GRID1: variants seen among roughly 807,000 people sequenced by gnomAD.
GRID1 encodes glutamate ionotropic receptor delta type subunit 1.
GRID1 carries 28 observed loss-of-function variants against 98.0 expected under a neutral mutation model. The observed-to-expected ratio is 0.29, with a 90% CI of 0.21 to 0.39. The LOEUF is 0.39. Ranked by LOEUF, GRID1 falls within the 10% of genes least tolerant of loss-of-function variation. The pLI, the probability that GRID1 is intolerant of heterozygous loss-of-function variation, is 1.00. For missense variants in GRID1, 1,111 were observed against 1,340.5 expected (o/e 0.83, Z 2.67); for synonymous variants, 553 against 538.5 (o/e 1.03, Z -0.37).
At chr10:86,190,901 C>T (rs142684911) in intron 3 of GRID1, among the ~76,000 whole-genome samples, 3 of 139,000 alleles carry the variant, frequency 2.2e-5, no homozygotes, top group Non-Finnish European at 3.3e-5. Flanking sequence ...TGAGTGTGTA[C>T]GTGCATGCAT....
intron 8 of GRID1, among the ~76,000 whole-genome samples, chr10:85,794,284 C>A (rs942987859): frequency 2.6e-5 from 4 of 152,208 alleles, no homozygotes; most frequent in African/African-American, 9.7e-5. Flanking sequence ...GTAACCTAAT[C>A]ATTTATATGA....
intron 8 of GRID1, among the ~76,000 whole-genome samples, chr10:85,756,746 C>G (rs570724287): frequency 6.6e-6 from 1 of 152,112 alleles, no homozygotes; most frequent in African/African-American, 2.4e-5. Context: ...AAACTGAAAC[C>G]GCAAATAAGG....
intron 14 of GRID1, among the ~76,000 whole-genome samples, chr10:85,615,395 G>A (rs548283878): frequency 6.6e-6 from 1 of 152,366 alleles, no homozygotes; most frequent in African/African-American, 2.4e-5. Context: ...GACAGGAGCT[G>A]TGGGTTACTC....
intron 3 of GRID1, among the ~76,000 whole-genome samples, chr10:86,170,579 C>T (rs1845469912): frequency 1.3e-5 from 2 of 152,242 alleles, no homozygotes; most frequent in Admixed American, 6.5e-5. Context: ...CCCCAAGGGA[C>T]CAGTGAACCA....
intron 4 of GRID1, among the ~76,000 whole-genome samples, chr10:86,030,504 C>T (rs1372734321): frequency 3.9e-5 from 6 of 152,224 alleles, no homozygotes; most frequent in African/African-American, 1.4e-4. Context: ...CAATCAAACT[C>T]CAAATGGTGC....
chr10:85,873,167 T>C lies in GRID1; in HGVS notation c.781-3987A>G, dbSNP rs12256871. On this transcript the variant is annotated intron_variant, in intron 5 of 15. Coordinates refer to ENST00000327946, the MANE Select transcript of GRID1 (RefSeq NM_017551.3). The stretch of plus-strand genomic sequence containing the variant: ...CAGGCTGCACACACCAGGCTGCATT[T>C]CCTGGCTGCACACATCAGGTCAGTC... 3.8e-3 allele frequency among the ~76,000 whole-genome samples: 581 copies of C among 152,294 alleles called. 3 individuals are homozygous for C. The highest frequency in any genetic ancestry group is 0.013 in the African/African-American group (551 of 41,558).
chr10:85,898,685 C>T (rs76903701), intron 5 of GRID1, among the ~76,000 whole-genome samples: 3 of 152,158 alleles, frequency 2.0e-5, no homozygotes, highest in African/African-American at 7.2e-5. Flanking sequence ...ACCTCCACAT[C>T]TTGTCTCACT....
chr10:85,933,530 T>C (rs558303592), intron 4 of GRID1, among the ~76,000 whole-genome samples: 33 of 152,278 alleles, frequency 2.2e-4, no homozygotes, highest in Non-Finnish European at 4.4e-4. Flanking sequence ...AGGTGGACCT[T>C]CTGGCCAGAC....
chr10:86,276,877 C>A (rs1218467014), intron 2 of GRID1, among the ~76,000 whole-genome samples: 1 of 151,102 alleles, frequency 6.6e-6, no homozygotes, highest in Non-Finnish European at 1.5e-5. Context: ...AAAAAAAAAA[C>A]TAAAAAACTC....
rs547597766 is a variant in GRID1, at chr10:86,090,303, G to C, written c.726+48516C>G. 4.0e-5 allele frequency among the ~76,000 whole-genome samples: 6 copies of C among 151,846 alleles called. No individual in the cohort carries two copies. In the South Asian group the frequency reaches 1.3e-3, roughly 32 times the overall value. On this transcript the variant is annotated intron_variant, in intron 4 of 15. Transcript: ENST00000327946. ...ATAGTGGGCATGGTGGTGCACACCTGTAGTCCCAGCTACTTGGGAGAACTT... is the reference window on the plus strand; with the variant it reads ...ATAGTGGGCATGGTGGTGCACACCTCTAGTCCCAGCTACTTGGGAGAACTT...
intron 3 of GRID1, among the ~76,000 whole-genome samples, chr10:86,160,536 G>C (rs1315885430): frequency 6.6e-6 from 1 of 152,202 alleles, no homozygotes; most frequent in Non-Finnish European, 1.5e-5. Flanking sequence ...AGGGTCAGGA[G>C]GCTGAATGGC....
chr10:85,857,430 C>T (rs1564611224), intron 6 of GRID1, among the ~76,000 whole-genome samples: 1 of 152,054 alleles, frequency 6.6e-6, no homozygotes, highest in African/African-American at 2.4e-5. Context: ...GAAAATGGCA[C>T]CCACCCTCCC....
At chr10:85,835,864 T>G (rs1185998500) in intron 8 of GRID1, among the ~76,000 whole-genome samples, 1 of 152,022 alleles carries the variant, frequency 6.6e-6, no homozygotes, top group Non-Finnish European at 1.5e-5. Flanking sequence ...CAGACTAGAA[T>G]TCAATAAGAG....
intron 3 of GRID1, among the ~76,000 whole-genome samples, chr10:86,179,443 C>CA (rs2131999838): frequency 6.6e-6 from 1 of 152,346 alleles, no homozygotes; most frequent in East Asian, 1.9e-4. Context: ...TCCACGACCC[C>CA]AGCAGGGAGT....
chr10:85,772,072 G>A (rs1187894552), intron 8 of GRID1, among the ~76,000 whole-genome samples: 1 of 152,104 alleles, frequency 6.6e-6, no homozygotes, highest in African/African-American at 2.4e-5. Flanking sequence ...ATAGTTGGAA[G>A]GAGAGCTCTC....
At chr10:86,091,964 T>C (rs1007621938) in intron 4 of GRID1, among the ~76,000 whole-genome samples, 1 of 152,186 alleles carries the variant, frequency 6.6e-6, no homozygotes, top group Non-Finnish European at 1.5e-5. Context: ...GAACACCCCA[T>C]GGGACAAAAG....
intron 8 of GRID1, among the ~76,000 whole-genome samples, chr10:85,770,887 A>T (rs1174137373): frequency 6.6e-6 from 1 of 152,302 alleles, no homozygotes; most frequent in Non-Finnish European, 1.5e-5. Context: ...TGGAACCAAG[A>T]TGGAAAACAC....
intron 4 of GRID1, among the ~76,000 whole-genome samples, chr10:85,931,509 G>A (rs1214743338): frequency 6.6e-6 from 1 of 150,930 alleles, no homozygotes; most frequent in East Asian, 1.9e-4. Context: ...TTGCCTTTTT[G>A]CTTTACTTCA....
At chr10:86,211,710 A>G (rs1411696473) in intron 2 of GRID1, among the ~76,000 whole-genome samples, 1 of 152,076 alleles carries the variant, frequency 6.6e-6, no homozygotes, top group Non-Finnish European at 1.5e-5. Flanking sequence ...CCCTGGTTAA[A>G]AAAAAAAAAT....
Sources: gnomAD v4.1 joint callset for allele counts (sites outside exome capture counted in the v4.1 genomes callset) on GRCh38, gnomAD v4.1.1 for gene constraint, MANE v1.5 for transcripts, NCBI Gene and HGNC (gene_info 2026-07-23, HGNC 2026-07-21) for gene names.